Variants in RASL11B observed in about 807,000 individuals in gnomAD.
RASL11B encodes the protein RAS like family 11 member B.
In RASL11B, 14 loss-of-function variants were observed where a neutral mutation model predicts 22.9. That is an observed-to-expected ratio of 0.61 (90% CI 0.40 to 0.96). The LOEUF (loss-of-function observed/expected upper bound fraction) is 0.96. RASL11B is among the 40% of genes least tolerant of loss of function. The pLI is 0.00. For missense variants in RASL11B, 261 were observed against 322.0 expected (o/e 0.81, Z 1.45); for synonymous variants, 143 against 130.2 (o/e 1.10, Z -0.67).
At chr4:52,865,203 T>C in intron 3 of RASL11B, 132 bp from the exon 4 acceptor site, 1 of 637,036 alleles carries the variant, frequency 1.6e-6, no homozygotes, top group Non-Finnish European at 2.7e-6. Context: ...CTGAAGTGTG[T>C]GGGATATAAG....
intron 1 of RASL11B, 116 bp downstream of exon 1, chr4:52,862,765 G>C: frequency 2.5e-6 from 3 of 1,220,460 alleles, no homozygotes; most frequent in Non-Finnish European, 3.3e-6. Flanking sequence ...CCGTCCCCGC[G>C]CAGGGAGCCG....
chr4:52,864,395 A>AT (rs574183704), intron 2 of RASL11B, 83 bp from the exon 3 acceptor site: 48 of 874,362 alleles, frequency 5.5e-5, no homozygotes, highest in South Asian at 8.8e-5. Flanking sequence ...TGCATTGTGC[A>AT]TTTTTTTTCT....
intron 3 of RASL11B, among the ~76,000 whole-genome samples, chr4:52,864,976 G>A (rs1019371962): frequency 1.2e-4 from 19 of 152,058 alleles, no homozygotes; most frequent in Admixed American, 2.0e-4. Flanking sequence ...TTTTCCCCCC[G>A]CCTCCTGAAC....
chr4:52,863,331 C>A lies in RASL11B; in HGVS notation c.199+7C>A. 6.2e-7 allele frequency: 1 copy of A among 1,610,904 alleles called. No homozygotes were observed. Reference sequence around the variant, plus strand: ...GACTATGAAAGAAATGCAGGTGAGACAATGCATTTGAGAAAAATTCTGTCC... The same window carrying A: ...GACTATGAAAGAAATGCAGGTGAGAAAATGCATTTGAGAAAAATTCTGTCC... On this transcript the variant is annotated splice_region_variant and intron_variant, in intron 2 of 3. Transcript: ENST00000248706.
intron 3 of RASL11B, among the ~76,000 whole-genome samples, 159 bp from the exon 4 acceptor site, chr4:52,865,176 A>G (rs1035123765): frequency 2.6e-5 from 4 of 152,226 alleles, no homozygotes; most frequent in African/African-American, 7.2e-5. Context: ...AGCTGGATCA[A>G]CATATTGTCA....
intron 1 of RASL11B, 73 bp downstream of exon 1, chr4:52,862,722 G>A (rs370980676): frequency 2.1e-6 from 3 of 1,444,116 alleles, no homozygotes; most frequent in East Asian, 5.1e-5. Context: ...AACAAGGCGT[G>A]GGGAGCGGTG....
At chr4:52,865,250 G>C (rs769900597) in intron 3 of RASL11B, 85 bp from the exon 4 acceptor site, 143 of 1,107,636 alleles carry the variant, frequency 1.3e-4, no homozygotes, top group Middle Eastern at 1.2e-3. Flanking sequence ...ACTATGAAGG[G>C]CTCTTTTGAA....
rs1022721625 is a variant in RASL11B, at chr4:52,862,353, G to A, written c.-155G>A. ...GGAGCCTGAGCCCTGCGGAACCTCG[G>A]CGCTCGGCCCCACCCCGCCCGTACC... On this transcript the variant is annotated 5_prime_UTR_variant, in exon 1 of 4. Transcript: ENST00000248706. 1.4e-6 allele frequency: 1 copy of A among 720,964 alleles called. No individual in the cohort carries two copies. 44.7% of individuals were successfully genotyped at this position (720,964 alleles called of 1,614,324 possible). A position where few individuals can be genotyped will look rare whatever the true frequency, so the allele number is the denominator to read the frequency against.
chr4:52,863,414 T>C, intron 2 of RASL11B, 90 bp downstream of exon 2: 1 of 1,094,616 alleles, frequency 9.1e-7, no homozygotes, highest in African/African-American at 1.6e-5. Context: ...GTTCTTTCAG[T>C]GACAGTCCGA....
At chr4:52,862,972 G>T (rs1191270368) in intron 1 of RASL11B, among the ~76,000 whole-genome samples, 4 of 152,184 alleles carry the variant, frequency 2.6e-5, no homozygotes, top group African/African-American at 9.7e-5. Flanking sequence ...CCCCTGGGAG[G>T]TCTTGAAGGT....
At chr4:52,863,583 C>T in intron 2 of RASL11B, 1 of 482,580 alleles carries the variant, frequency 2.1e-6, no homozygotes, top group East Asian at 3.4e-5. Flanking sequence ...CTATAGTGAC[C>T]CCAGTTGGAA....
chr4:52,865,305 A>T (rs758129786), intron 3 of RASL11B, 30 bp from the exon 4 acceptor site: 10 of 1,554,364 alleles, frequency 6.4e-6, no homozygotes, highest in Non-Finnish European at 2.6e-6. Flanking sequence ...ACTGGCCAGC[A>T]TTCACCTTGC....
rs1328071006 is a variant in RASL11B at position 52,862,359 on chromosome 4, G to T, written c.-149G>T. On this transcript the variant is annotated 5_prime_UTR_variant, in exon 1 of 4. Transcript: ENST00000248706. ...TGAGCCCTGCGGAACCTCGGCGCTC[G>T]GCCCCACCCCGCCCGTACCTGCACT... The T allele has an allele frequency of 2.9e-6, 2 of 699,568 alleles. No individual in the cohort carries two copies. The highest frequency in any genetic ancestry group is 2.0e-5 in the African/African-American group (1 of 51,088). 43.3% of individuals were successfully genotyped at this position (699,568 alleles called of 1,614,324 possible).
In RASL11B at chr4:52,865,652, T is replaced by G. The variant is rs778246845; in HGVS notation, c.594T>G (p.Cys198Trp). The G allele has an allele frequency of 1.1e-5, 18 of 1,613,980 alleles. No homozygotes were observed. The highest frequency in any genetic ancestry group is 1.5e-5 in the Non-Finnish European group (18 of 1,180,002). ...NDVYSAFHVLCKEVSHKQQPS... is the reference protein window; with the variant it reads ...NDVYSAFHVLWKEVSHKQQPS... The stretch of plus-strand genomic sequence containing the variant: ...TCTACAGCGCCTTCCACGTCCTCTG[T>G]AAAGAGGTCAGTCACAAACAGCAGC... The change falls in exon 4 of 4, where the codon TGT (cysteine) becomes TGG (tryptophan). Residue 198 changes from cysteine (C) to tryptophan (W), a missense_variant. Cys to Trp is a radical substitution (Grantham distance 215). Transcript: ENST00000248706.
intron 1 of RASL11B, 138 bp downstream of exon 1, chr4:52,862,787 G>C: frequency 9.4e-7 from 1 of 1,061,970 alleles, no homozygotes; most frequent in Non-Finnish European, 1.3e-6. Context: ...TGCCCCTTGG[G>C]AGTGGGCTTA....
chr4:52,862,477 C>G lies in RASL11B; in HGVS notation c.-31C>G. 1 of 1,599,084 alleles carries G rather than the reference C, an allele frequency of 6.3e-7. No homozygotes were observed. ...GCTAGCATTCTCCAGTCCCTCAGTCCCTTCCCGCGCGGTGCGCCGCAGCCG... is the reference window on the plus strand; with the variant it reads ...GCTAGCATTCTCCAGTCCCTCAGTCGCTTCCCGCGCGGTGCGCCGCAGCCG... On this transcript the variant is annotated 5_prime_UTR_variant, in exon 1 of 4. Transcript: ENST00000248706.
rs576451833 is a variant in RASL11B at position 52,862,809 on chromosome 4, C to T, written c.142+160C>T. 3.5e-4 allele frequency among the ~76,000 whole-genome samples: 53 copies of T among 152,330 alleles called. 1 individual carries two copies. In the South Asian group the frequency reaches 6.0e-3, roughly 17 times the overall value. On this transcript the variant is annotated intron_variant, in intron 1 of 3. Transcript: ENST00000248706. ...TGGGAGTGGGCTTAGCCGTTGTCTA[C>T]GCCACCCGCCTGCTTCCACAGACGG... is the stretch of plus-strand genomic sequence containing the variant.
intron 3 of RASL11B, 87 bp from the exon 4 acceptor site, chr4:52,865,248 G>A: frequency 1.8e-6 from 2 of 1,083,350 alleles, no homozygotes; most frequent in African/African-American, 3.1e-5. Flanking sequence ...CTACTATGAA[G>A]GGCTCTTTTG....
intron 3 of RASL11B, 99 bp from the exon 4 acceptor site, chr4:52,865,236 C>T: frequency 1.1e-6 from 1 of 900,848 alleles, no homozygotes; most frequent in Non-Finnish European, 1.7e-6. Context: ...CTCAACCTGG[C>T]ACTACTATGA....
Sources: gnomAD v4.1 joint callset for allele counts (sites outside exome capture counted in the v4.1 genomes callset) on GRCh38, gnomAD v4.1.1 for gene constraint, MANE v1.5 for transcripts, NCBI Gene and HGNC (gene_info 2026-07-23, HGNC 2026-07-21) for gene names.